SESTD1: variants seen among roughly 807,000 people sequenced by gnomAD.
The protein encoded by SESTD1 is SEC14 domain and spectrin repeat-containing protein 1.
Under a neutral mutation model 101.7 loss-of-function variants are expected in SESTD1, and 43 were observed. The ratio of observed to expected loss-of-function variants is 0.42; its 90% confidence interval spans 0.33 to 0.55. The LOEUF (loss-of-function observed/expected upper bound fraction) is 0.55, where lower values mean the gene tolerates loss of function less well. Ranked by LOEUF, SESTD1 falls within the 20% of genes least tolerant of loss-of-function variation. SESTD1 has a pLI of 0.07. For missense variants in SESTD1, 647 were observed against 815.1 expected, an observed-to-expected ratio of 0.79 and a Z score of 2.51; for synonymous variants, 283 against 286.8, an observed-to-expected ratio of 0.99 and a Z score of 0.13.
chr2:179,167,891 T>C (rs2045863179), intron 5 of SESTD1, among the ~76,000 whole-genome samples: 1 of 152,036 alleles, frequency 6.6e-6, no homozygotes, highest in South Asian at 2.1e-4. Flanking sequence ...GCCTCCCGAG[T>C]AGCTGGGACT....
chr2:179,138,691 C>A (rs2045209789), intron 9 of SESTD1, among the ~76,000 whole-genome samples: 1 of 151,700 alleles, frequency 6.6e-6, no homozygotes, highest in African/African-American at 2.4e-5. Flanking sequence ...ATGGTGAAAC[C>A]CCATTTCTAC....
At chr2:179,263,208 C>T (rs1449546556) in intron 1 of SESTD1, among the ~76,000 whole-genome samples, 1 of 152,036 alleles carries the variant, frequency 6.6e-6, no homozygotes, top group Non-Finnish European at 1.5e-5. Flanking sequence ...CAAAGTATTA[C>T]GTATAAAAGC....
At chr2:179,260,497 C>T (rs111463423) in intron 1 of SESTD1, among the ~76,000 whole-genome samples, 3 of 151,950 alleles carry the variant, frequency 2.0e-5, no homozygotes, top group African/African-American at 7.2e-5. Context: ...GCCTGGGCCA[C>T]AGAGTGAGAC....
At chr2:179,170,607 G>A (rs983088906) in intron 5 of SESTD1, among the ~76,000 whole-genome samples, 1 of 152,140 alleles carries the variant, frequency 6.6e-6, no homozygotes, top group Admixed American at 6.5e-5. Flanking sequence ...CATTTCTGGA[G>A]TGATAAGTGT....
chr2:179,152,242 T>C (rs1000433515), intron 5 of SESTD1, among the ~76,000 whole-genome samples: 2 of 152,180 alleles, frequency 1.3e-5, no homozygotes, highest in African/African-American at 4.8e-5. Flanking sequence ...AAATTATAAC[T>C]TTTTCTGGAA....
rs2044380359 is a variant in SESTD1 at position 179,106,272 on chromosome 2, G to C, written c.*3627C>G. ...ATTCCCTATAGGCTGAAGATGTAAA[G>C]GACATTAGCAACCACAGTATGTTTA... On this transcript the variant is annotated 3_prime_UTR_variant, in exon 18 of 18. Transcript: ENST00000428443. 6.6e-6 allele frequency: 1 copy of C among 152,102 alleles called. No individual in the cohort carries two copies. Among genetic ancestry groups the C allele is most frequent in the Admixed American group, 6.6e-5 (1 of 15,262 alleles). The allele number at this position is 152,102 out of a possible 1,614,324, so 9.4% of individuals were successfully genotyped here. A position where few individuals can be genotyped will look rare whatever the true frequency, so the allele number is the denominator to read the frequency against.
rs1168596827 is a variant in SESTD1 at position 179,206,819 on chromosome 2, GC to G, written c.-25-14954del. Among the ~76,000 whole-genome samples, 7 of 134,176 alleles carry G rather than the reference GC, an allele frequency of 5.2e-5. 1 individual carries two copies. Among genetic ancestry groups the G allele is most frequent in the African/African-American group, 1.5e-4 (5 of 33,760 alleles). 88.0% of individuals were successfully genotyped at this position (134,176 alleles called of 152,430 possible). On this transcript the variant is annotated intron_variant, in intron 1 of 17. Transcript: ENST00000428443. ...GCTTGTACCTGAGGGCAAGACCCTA[GC>G]CCTGCTCTCTGGCTGTCTGGATACA...
At chr2:179,180,222 T>C (rs1262948885) in intron 3 of SESTD1, among the ~76,000 whole-genome samples, 1 of 152,216 alleles carries the variant, frequency 6.6e-6, no homozygotes, top group Non-Finnish European at 1.5e-5. Context: ...TTTGTCCCTG[T>C]GTTCATTAAA....
intron 7 of SESTD1, 43 bp downstream of exon 7, chr2:179,149,254 T>G: frequency 7.4e-7 from 1 of 1,351,102 alleles, no homozygotes; most frequent in Non-Finnish European, 1.0e-6. Flanking sequence ...TCAGAATAAT[T>G]ATAGTTTTGC....
rs1370411337 is a variant in SESTD1 at position 179,106,401 on chromosome 2, T to A, written c.*3498A>T. 5 of 152,154 alleles carry A rather than the reference T, an allele frequency of 3.3e-5. No individual in the cohort carries two copies. Among genetic ancestry groups the A allele is most frequent in the Non-Finnish European group, 7.4e-5 (5 of 68,016 alleles). 9.4% of individuals were successfully genotyped at this position (152,154 alleles called of 1,614,324 possible). A position where few individuals can be genotyped will look rare whatever the true frequency, so the allele number is the denominator to read the frequency against. The stretch of plus-strand genomic sequence containing the variant: ...TGCCCAATCTCTATTAGCAAGTAAC[T>A]TACAATGTAGTAGAGAATTCTGAAC... On this transcript the variant is annotated 3_prime_UTR_variant, in exon 18 of 18. Coordinates refer to ENST00000428443, the MANE Select transcript of SESTD1 (RefSeq NM_178123.5).
chr2:179,128,024 TAGCACTTTTCAGAGCTACCAGCA>T (rs2044917146), intron 10 of SESTD1, among the ~76,000 whole-genome samples: 2 of 152,212 alleles, frequency 1.3e-5, no homozygotes, highest in Non-Finnish European at 2.9e-5. Flanking sequence ...AGTCCTAGAA[TAGCACTTTTCAGAGCTACCAGCA>T]TTAGACCACT....
At chr2:179,123,680 A>AC (rs1350986162) in intron 12 of SESTD1, 35 bp downstream of exon 12, 3 of 1,480,074 alleles carry the variant, frequency 2.0e-6, no homozygotes, top group East Asian at 2.3e-5. Context: ...AAAAAAAAAA[A>AC]ACCTTATGTT....
intron 1 of SESTD1, among the ~76,000 whole-genome samples, chr2:179,230,469 TATGAAAACCATCATAA>T (rs2046971164): frequency 6.6e-6 from 1 of 151,224 alleles, no homozygotes; most frequent in Admixed American, 6.6e-5. Flanking sequence ...CACTTAGGAG[TATGAAAACCATCATAA>T]ATCAGAAATA....
intron 1 of SESTD1, among the ~76,000 whole-genome samples, chr2:179,240,342 A>AGATACAAT (rs2047132942): frequency 6.6e-6 from 1 of 152,200 alleles, no homozygotes; most frequent in Non-Finnish European, 1.5e-5. Context: ...AAGATGGAGT[A>AGATACAAT]GATACAATTT....
chr2:179,154,081 A>C (rs1470602493), intron 5 of SESTD1, among the ~76,000 whole-genome samples: 2 of 101,000 alleles, frequency 2.0e-5, no homozygotes, highest in Non-Finnish European at 3.5e-5. Context: ...CAATCTCTAC[A>C]AAAAAAAAAA....
chr2:179,127,271 C>T (rs750530280), intron 10 of SESTD1, among the ~76,000 whole-genome samples: 2 of 152,088 alleles, frequency 1.3e-5, no homozygotes, highest in South Asian at 4.1e-4. Context: ...GATTACTTCT[C>T]GACATCATTT....
At chr2:179,200,074 A>G (rs1386499487) in intron 1 of SESTD1, among the ~76,000 whole-genome samples, 2 of 152,236 alleles carry the variant, frequency 1.3e-5, no homozygotes, top group Non-Finnish European at 2.9e-5. Flanking sequence ...AACTTCAGCA[A>G]AGTCTCACGA....
At chr2:179,185,894 T>G (rs1401427648) in intron 2 of SESTD1, among the ~76,000 whole-genome samples, 1 of 135,594 alleles carries the variant, frequency 7.4e-6, no homozygotes, top group African/African-American at 2.7e-5. Context: ...GCATATACAA[T>G]ATAGTATATT....
chr2:179,116,566 A>T (rs779265843), intron 15 of SESTD1, 102 bp downstream of exon 15: 1 of 1,577,806 alleles, frequency 6.3e-7, no homozygotes, highest in East Asian at 2.2e-5. Context: ...TGGAATAACA[A>T]AACTAACCTT....
Sources: allele counts gnomAD v4.1 joint callset (sites outside exome capture counted in the v4.1 genomes callset), GRCh38; gene constraint gnomAD v4.1.1; transcripts MANE v1.5; gene names NCBI Gene and HGNC (gene_info 2026-07-23, HGNC 2026-07-21).